Variants in CAPN5 observed in about 807,000 individuals in gnomAD.
The protein encoded by CAPN5 is calpain 5.
In CAPN5, 54 loss-of-function variants were observed where a neutral mutation model predicts 73.0. The observed-to-expected ratio is 0.74, with a 90% CI of 0.59 to 0.93. The LOEUF (loss-of-function observed/expected upper bound fraction) is 0.93, where lower values mean the gene tolerates loss of function less well. Among genes scored for constraint, CAPN5 ranks in the 40% least tolerant of loss-of-function variants. CAPN5 has a pLI of 0.00. For missense variants in CAPN5, 785 were observed against 882.9 expected (o/e 0.89, Z 1.41); for synonymous variants, 335 against 356.9 (o/e 0.94, Z 0.69).
intron 1 of CAPN5, among the ~76,000 whole-genome samples, chr11:77,067,844 C>T (rs1949861562): frequency 6.6e-6 from 1 of 152,080 alleles, no homozygotes; most frequent in Non-Finnish European, 1.5e-5. Flanking sequence ...CCAGTCATTT[C>T]ATGTGGTGGG....
intron 1 of CAPN5, among the ~76,000 whole-genome samples, chr11:77,082,479 C>T (rs746796268): frequency 6.6e-5 from 10 of 152,224 alleles, no homozygotes; most frequent in Admixed American, 2.0e-4. Context: ...GGAGACCTGA[C>T]CCTGTCGGGG....
intron 1 of CAPN5, among the ~76,000 whole-genome samples, chr11:77,075,610 C>G (rs576749874): frequency 2.0e-5 from 3 of 152,210 alleles, no homozygotes; most frequent in Non-Finnish European, 4.4e-5. Context: ...GTGAAGGGCC[C>G]GGATCTGCTG....
At chr11:77,087,251 T>C (rs1298371544) in intron 2 of CAPN5, among the ~76,000 whole-genome samples, 2 of 152,168 alleles carry the variant, frequency 1.3e-5, no homozygotes, top group African/African-American at 4.8e-5. Context: ...GATGGGAGGT[T>C]TGTGGAGCAG....
intron 3 of CAPN5, among the ~76,000 whole-genome samples, chr11:77,105,236 C>T (rs1950332235): frequency 6.6e-6 from 1 of 151,964 alleles, no homozygotes; most frequent in South Asian, 2.1e-4. Flanking sequence ...TCGCCATCAG[C>T]CCCCATCCCT....
intron 3 of CAPN5, among the ~76,000 whole-genome samples, chr11:77,099,903 C>T (rs1029136406): frequency 1.3e-5 from 2 of 151,994 alleles, no homozygotes. Context: ...ATGGTGCGAT[C>T]ACGGCTCACC....
At chr11:77,076,060 A>G (rs1949965627) in intron 1 of CAPN5, among the ~76,000 whole-genome samples, 1 of 152,156 alleles carries the variant, frequency 6.6e-6, no homozygotes, top group South Asian at 2.1e-4. Context: ...TTGTCCTGAG[A>G]ACACTCAAAA....
chr11:77,114,671 G>A (rs1565276179), intron 5 of CAPN5, among the ~76,000 whole-genome samples: 3 of 152,186 alleles, frequency 2.0e-5, no homozygotes, highest in Non-Finnish European at 2.9e-5. Flanking sequence ...GGTTATGAAC[G>A]TCTGTGCATC....
intron 11 of CAPN5, 50 bp downstream of exon 11, chr11:77,122,099 G>A (rs782461676): frequency 1.8e-6 from 2 of 1,122,658 alleles, no homozygotes; most frequent in Non-Finnish European, 2.5e-6. Context: ...GTTGTCCCAT[G>A]GCCTCTCTCC....
intron 2 of CAPN5, chr11:77,087,824 C>A: frequency 7.2e-7 from 1 of 1,380,802 alleles, no homozygotes; most frequent in Non-Finnish European, 9.8e-7. Context: ...TGGGACATCC[C>A]ATCTCCTATT....
Position 77,114,288 on chromosome 11 carries a change from G to T in CAPN5, c.553G>T (p.Ala185Ser). 5.6e-6 allele frequency: 9 copies of T among 1,614,196 alleles called. No individual in the cohort carries two copies. Among genetic ancestry groups the T allele is most frequent in the Non-Finnish European group, 7.6e-6 (9 of 1,180,036 alleles). ...QALDGGNTAD[A>S]LVDFTGGVSE... ...CCTGGATGGAGGCAACACAGCAGAC[G>T]CACTGGTGGACTTCACGGGTGGTGT... Residue 185 changes from alanine (A) to serine (S), a missense_variant, in exon 5 of 13, where the codon GCA becomes TCA. Coordinates refer to ENST00000648180, the MANE Select transcript of CAPN5 (RefSeq NM_004055.5).
At chr11:77,093,523 A>G (rs529045212) in intron 2 of CAPN5, among the ~76,000 whole-genome samples, 159 bp from the exon 3 acceptor site, 4 of 152,058 alleles carry the variant, frequency 2.6e-5, no homozygotes, top group African/African-American at 9.7e-5. Context: ...GATGGGCCCT[A>G]TGGGGCCCCA....
intron 3 of CAPN5, among the ~76,000 whole-genome samples, chr11:77,100,921 C>T (rs1326905492): frequency 6.6e-6 from 1 of 152,208 alleles, no homozygotes; most frequent in South Asian, 2.1e-4. Flanking sequence ...TGCCACAGCC[C>T]GGGCCCGGAA....
intron 8 of CAPN5, 131 bp downstream of exon 8, chr11:77,118,483 A>T (rs1376220901): frequency 5.4e-6 from 4 of 737,734 alleles, no homozygotes; most frequent in Non-Finnish European, 8.7e-6. Flanking sequence ...ACCTGTCTGT[A>T]CAGTGGGGGT....
chr11:77,092,414 A>C (rs1950157103), intron 2 of CAPN5, among the ~76,000 whole-genome samples: 1 of 152,248 alleles, frequency 6.6e-6, no homozygotes, highest in Non-Finnish European at 1.5e-5. Flanking sequence ...CTTTTAAGGA[A>C]AATACCCCCA....
chr11:77,117,652 G>A (rs1030899423), intron 7 of CAPN5, among the ~76,000 whole-genome samples: 3 of 152,194 alleles, frequency 2.0e-5, no homozygotes, highest in Admixed American at 6.5e-5. Context: ...CCCTGGAGGC[G>A]TTCACAGTGT....
At chr11:77,093,946 C>A in intron 3 of CAPN5, 133 bp downstream of exon 3, 4 of 1,283,856 alleles carry the variant, frequency 3.1e-6, no homozygotes, top group South Asian at 2.9e-5. Flanking sequence ...GGGGTGGGGG[C>A]CCCCAGTACT....
rs535830596 is a variant in CAPN5, at chr11:77,125,850, G to A, written c.*1980G>A. 1.3e-5 allele frequency: 2 copies of A among 152,554 alleles called. No individual in the cohort carries two copies. Among genetic ancestry groups the A allele is most frequent in the South Asian group, 2.1e-4 (1 of 4,808 alleles). 9.5% of individuals were successfully genotyped at this position (152,554 alleles called of 1,614,324 possible). On this transcript the variant is annotated 3_prime_UTR_variant, in exon 13 of 13. Coordinates refer to ENST00000648180, the MANE Select transcript of CAPN5 (RefSeq NM_004055.5). The stretch of plus-strand genomic sequence containing the variant: ...GCCTGCCACCCCCTGACAAAAACAG[G>A]TTCCACAGTGCTACCCTTGCTTCCT...
At chr11:77,117,375 G>T (rs556050894) in intron 7 of CAPN5, among the ~76,000 whole-genome samples, 2 of 152,172 alleles carry the variant, frequency 1.3e-5, no homozygotes, top group Non-Finnish European at 2.9e-5. Context: ...TCCTGGAGGG[G>T]TATTGGCATC....
intron 1 of CAPN5, among the ~76,000 whole-genome samples, chr11:77,070,124 G>A (rs1949887884): frequency 6.6e-6 from 1 of 152,230 alleles, no homozygotes; most frequent in Non-Finnish European, 1.5e-5. Context: ...CATTCTGGTT[G>A]TTTGCACGTG....
Sources: allele counts gnomAD v4.1 joint callset (sites outside exome capture counted in the v4.1 genomes callset), GRCh38; gene constraint gnomAD v4.1.1; transcripts MANE v1.5; gene names NCBI Gene and HGNC (gene_info 2026-07-23, HGNC 2026-07-21).